The following VSIR variants were observed in gnomAD, a reference collection of about 807,000 sequenced individuals.
VSIR encodes the protein V-set immunoregulatory receptor, also known as V-type immunoglobulin domain-containing suppressor of T-cell activation.
In VSIR, 10 loss-of-function variants were observed where a neutral mutation model predicts 31.0. The ratio of observed to expected loss-of-function variants is 0.32; its 90% CI spans 0.20 to 0.55. The LOEUF (loss-of-function observed/expected upper bound fraction) is 0.55, where lower values mean the gene tolerates loss of function less well. Ranked by LOEUF, VSIR falls within the 20% of genes least tolerant of loss-of-function variation. VSIR has a pLI of 0.93. For missense variants in VSIR, 356 were observed against 416.2 expected (o/e 0.86, Z 1.26); for synonymous variants, 179 against 180.1 (o/e 0.99, Z 0.05).
rs757331277 is a variant in VSIR, at chr10:71,761,905, G to A, written c.204C>T (p.Phe68=). 4 of 1,614,012 alleles carry A rather than the reference G, an allele frequency of 2.5e-6. No homozygotes were observed. In the East Asian group the frequency reaches 8.9e-5, roughly 36 times the overall value. The change falls in exon 2 of 7, where the codon TTC becomes TTT. Residue 68 remains phenylalanine, a synonymous_variant. Coordinates refer to ENST00000394957, the MANE Select transcript of VSIR (RefSeq NM_022153.2). ...TCGAGCTGCGGTACCACGTCTTGTA[G>A]AAGGTCACATCGTGCCCTTTGTCCA... ...GPVDKGHDVT[F]YKTWYRSSRG...
chr10:71,760,020 C>CAT (rs1176056853), intron 3 of VSIR, among the ~76,000 whole-genome samples: 14 of 91,292 alleles, frequency 1.5e-4, no homozygotes, highest in African/African-American at 2.2e-4. Context: ...TACACACACA[C>CAT]ATATATACAC....
intron 3 of VSIR, among the ~76,000 whole-genome samples, chr10:71,759,818 T>C (rs1840250861): frequency 2.0e-5 from 1 of 50,790 alleles, no homozygotes; most frequent in African/African-American, 7.5e-5. Context: ...TTTCAGAAAA[T>C]ATACACACAC....
At chr10:71,763,813 AG>A (rs1840459697) in intron 1 of VSIR, among the ~76,000 whole-genome samples, 1 of 152,204 alleles carries the variant, frequency 6.6e-6, no homozygotes, top group African/African-American at 2.4e-5. Context: ...AGTGCCTCCT[AG>A]GAGTGAGAAG....
chr10:71,767,683 G>T (rs1479571837), intron 1 of VSIR, among the ~76,000 whole-genome samples: 1 of 152,250 alleles, frequency 6.6e-6, no homozygotes, highest in Non-Finnish European at 1.5e-5. Context: ...GCGTCACAAG[G>T]CATAGGCTCA....
At position 71,748,436 on chromosome 10, in the gene VSIR, A is replaced by G. The variant is rs1369933380; in HGVS notation, c.*2817T>C. On this transcript the variant is annotated 3_prime_UTR_variant, in exon 7 of 7. Transcript: ENST00000394957. ...CATGGTGTGTTTTTAGGGAGTGCTG[A>G]GCAGTCCCCGCTGTGTCAGCAAAAC... 6.6e-6 allele frequency: 1 copy of G among 152,226 alleles called. No individual in the cohort carries two copies. 9.4% of individuals were successfully genotyped at this position (152,226 alleles called of 1,614,324 possible). A position where few individuals can be genotyped will look rare whatever the true frequency, so the allele number is the denominator to read the frequency against.
chr10:71,768,589 C>T (rs544374357), intron 1 of VSIR, among the ~76,000 whole-genome samples: 3 of 152,252 alleles, frequency 2.0e-5, no homozygotes, highest in African/African-American at 7.2e-5. Flanking sequence ...TATCCTCCCA[C>T]CCCTGCCTCC....
intron 1 of VSIR, among the ~76,000 whole-genome samples, chr10:71,771,953 G>A (rs989827952): frequency 2.3e-4 from 35 of 152,340 alleles, no homozygotes; most frequent in Admixed American, 2.1e-3. Context: ...GGGCCACCAG[G>A]GAGGGCAGTG....
intron 1 of VSIR, among the ~76,000 whole-genome samples, chr10:71,766,943 T>G (rs1469232038): frequency 1.3e-5 from 2 of 152,240 alleles, no homozygotes; most frequent in Admixed American, 1.3e-4. Context: ...GCAACATTCC[T>G]GCTCTGCCTC....
chr10:71,750,917 G>A lies in VSIR; in HGVS notation c.*336C>T. On this transcript the variant is annotated 3_prime_UTR_variant, in exon 7 of 7. Coordinates refer to ENST00000394957, the MANE Select transcript of VSIR (RefSeq NM_022153.2). ...TCCCACTGATGCTGCCACATCCCAA[G>A]GCTCATGTCTCAGAACGAGAGCTGC... 3.9e-6 allele frequency: 1 copy of A among 256,128 alleles called. No homozygotes were observed. The highest frequency in any genetic ancestry group is 7.4e-6 in the Non-Finnish European group (1 of 134,446). 15.9% of individuals were successfully genotyped at this position (256,128 alleles called of 1,614,324 possible).
Position 71,755,559 on chromosome 10 carries a change from A to G in VSIR, c.569-93T>C, listed in dbSNP as rs1589399559. 5.8e-6 allele frequency: 7 copies of G among 1,198,250 alleles called. No homozygotes were observed. The East Asian group carries it at 1.8e-4, about 31-fold the overall frequency. The allele number at this position is 1,198,250 out of a possible 1,614,324, so 74.2% of individuals were successfully genotyped here. On this transcript the variant is annotated intron_variant, in intron 3 of 6. Coordinates refer to ENST00000394957, the MANE Select transcript of VSIR (RefSeq NM_022153.2). ...GCTCAGAGAGGGAAGGCCAGGAAGC[A>G]GGAGACCCGCCTTTCCCCAGAGTCC...
chr10:71,768,475 G>C (rs919902101), intron 1 of VSIR, among the ~76,000 whole-genome samples: 2 of 147,100 alleles, frequency 1.4e-5, no homozygotes, highest in Non-Finnish European at 3.0e-5. Flanking sequence ...CTGGCCGTTT[G>C]GTTGGTTTTC....
chr10:71,754,009 C>A (rs961354620), intron 4 of VSIR, among the ~76,000 whole-genome samples: 4 of 152,224 alleles, frequency 2.6e-5, no homozygotes, highest in African/African-American at 9.7e-5. Context: ...GAAATCCACA[C>A]CTGTTGGCCT....
chr10:71,753,858 T>C, intron 4 of VSIR: 1 of 456,470 alleles, frequency 2.2e-6, no homozygotes, highest in Non-Finnish European at 4.4e-6. Context: ...TGGCTATTGC[T>C]TACAGCCGAC....
rs1487599802 is a variant in VSIR at position 71,759,818 on chromosome 10, T to TACAC, written c.568+1049_568+1050insGTGT. ...CAGAGTGAAACCGTGTTTCAGAAAA[T>TACAC]ATACACACACACACACACACACACA... On this transcript the variant is annotated intron_variant, in intron 3 of 6. Transcript: ENST00000394957. Among the ~76,000 whole-genome samples, 15 of 50,820 alleles carry TACAC rather than the reference T, an allele frequency of 3.0e-4. 3 individuals carry two copies. Among genetic ancestry groups the TACAC allele is most frequent in the African/African-American group, 7.5e-4 (10 of 13,330 alleles). The allele number at this position is 50,820 out of a possible 152,430, so 33.3% of individuals were successfully genotyped here. A position where few individuals can be genotyped will look rare whatever the true frequency, so the allele number is the denominator to read the frequency against.
At position 71,751,908 on chromosome 10, in the gene VSIR, G is replaced by A. The variant is rs766939172; in HGVS notation, c.705-47C>T. On this transcript the variant is annotated intron_variant, in intron 5 of 6. Coordinates refer to ENST00000394957, the MANE Select transcript of VSIR (RefSeq NM_022153.2). This position sits in a 1 kb window ranked among gnomAD's most constrained non-coding sequence, Gnocchi z 4.9. Reference sequence around the variant, plus strand: ...AGGTCATCTGTGCTGTCCGGAGCGTGAACTCTGCCCTCCCTGCCCCCAGTT... The same window carrying A: ...AGGTCATCTGTGCTGTCCGGAGCGTAAACTCTGCCCTCCCTGCCCCCAGTT... The A allele has an allele frequency of 6.6e-7, 1 of 1,525,436 alleles. No individual in the cohort carries two copies. The highest frequency in any genetic ancestry group is 1.3e-5 in the South Asian group (1 of 79,690). The allele number at this position is 1,525,436 out of a possible 1,614,324, so 94.5% of individuals were successfully genotyped here.
chr10:71,758,344 G>A (rs1448761337), intron 3 of VSIR, among the ~76,000 whole-genome samples: 1 of 152,184 alleles, frequency 6.6e-6, no homozygotes, highest in Admixed American at 6.5e-5. Context: ...GGGCCTAGCA[G>A]GGGCTGGTCC....
At chr10:71,773,282 C>CCCATCCCACAGTTCCCA (rs752065883) in intron 1 of VSIR, 76 bp downstream of exon 1, 44 of 1,493,572 alleles carry the variant, frequency 2.9e-5, no homozygotes, top group Non-Finnish European at 3.8e-5. Flanking sequence ...CCAGGACGCC[C>CCCATCCCACAGTTCCCA]CCATCCCACA....
intron 3 of VSIR, among the ~76,000 whole-genome samples, chr10:71,759,874 C>CACACACACATATACACACACACATATAT (rs1564779202): frequency 1.4e-5 from 1 of 70,274 alleles, no homozygotes; most frequent in Non-Finnish European, 3.5e-5. Context: ...CATATATATA[C>CACACACACATATACACACACACATATAT]ACACACACAC....
intron 1 of VSIR, among the ~76,000 whole-genome samples, chr10:71,772,321 C>T (rs9415042): frequency 0.74 from 111,849 of 152,054 alleles, 42,319 homozygotes; most frequent in Non-Finnish European, 0.84. Context: ...ATCCTGCCCA[C>T]TGGGTCCCTG....
Sources: gnomAD v4.1 joint callset for allele counts (sites outside exome capture counted in the v4.1 genomes callset) on GRCh38, gnomAD v4.1.1 for gene constraint, Gnocchi (gnomAD v3.1) non-coding constraint, MANE v1.5 for transcripts, NCBI Gene and HGNC (gene_info 2026-07-23, HGNC 2026-07-21) for gene names.